The following FBXL4 variants were observed in gnomAD, a reference collection of about 807,000 sequenced individuals.
FBXL4 encodes F-box and leucine rich repeat protein 4.
FBXL4 carries 40 observed loss-of-function variants against 58.9 expected under a neutral mutation model. That is an observed-to-expected ratio of 0.68 (90% CI 0.53 to 0.88). The LOEUF is 0.88. FBXL4 is among the 40% of genes least tolerant of loss of function. The probability of loss-of-function intolerance (pLI) is 0.00; values close to 1 mark genes in which losing one functional copy is unlikely to be tolerated. For missense variants in FBXL4, 676 were observed against 734.4 expected, an observed-to-expected ratio of 0.92 and a Z score of 0.92; for synonymous variants, 263 against 265.5, an observed-to-expected ratio of 0.99 and a Z score of 0.09.
intron 7 of FBXL4, among the ~76,000 whole-genome samples, chr6:98,883,613 C>T (rs151072183): frequency 1.2e-3 from 180 of 151,788 alleles, no homozygotes; most frequent in African/African-American, 4.2e-3. Flanking sequence ...GGTAGGATAT[C>T]AAATTTCATT....
chr6:98,880,487 A>C, intron 8 of FBXL4, 66 bp downstream of exon 8: 2 of 1,327,726 alleles, frequency 1.5e-6, no homozygotes, highest in Non-Finnish European at 2.2e-6. Context: ...GTCAGGATAC[A>C]TTTCACCCAT....
intron 2 of FBXL4, among the ~76,000 whole-genome samples, chr6:98,932,840 C>A (rs180814920): frequency 2.5e-4 from 38 of 149,270 alleles, no homozygotes; most frequent in African/African-American, 8.4e-4. Flanking sequence ...CACAGGCATA[C>A]ATACAAGGCA....
At chr6:98,905,239 G>A (rs997149850) in intron 6 of FBXL4, among the ~76,000 whole-genome samples, 187 bp downstream of exon 6, 3 of 152,184 alleles carry the variant, frequency 2.0e-5, no homozygotes, top group Non-Finnish European at 4.4e-5. Context: ...TTTAGCTGAA[G>A]AGGATAGTAA....
At chr6:98,943,804 C>A (rs1265825704) in intron 1 of FBXL4, among the ~76,000 whole-genome samples, 2 of 152,058 alleles carry the variant, frequency 1.3e-5, no homozygotes, top group Non-Finnish European at 2.9e-5. Context: ...TCATATAAGA[C>A]AATGTAGACT....
intron 5 of FBXL4, among the ~76,000 whole-genome samples, chr6:98,914,496 A>T (rs1028725318): frequency 2.6e-5 from 4 of 152,246 alleles, no homozygotes; most frequent in Non-Finnish European, 5.9e-5. Context: ...CACCTCTGGG[A>T]TGCAAGGCTG....
At chr6:98,938,563 T>A (rs1773309654) in intron 1 of FBXL4, among the ~76,000 whole-genome samples, 1 of 152,192 alleles carries the variant, frequency 6.6e-6, no homozygotes, top group Non-Finnish European at 1.5e-5. Flanking sequence ...TCCTGTTACA[T>A]AACGAAAAGA....
chr6:98,919,815 A>G (rs999350055), intron 4 of FBXL4, among the ~76,000 whole-genome samples: 1 of 152,186 alleles, frequency 6.6e-6, no homozygotes, highest in Non-Finnish European at 1.5e-5. Context: ...AAATTATAGA[A>G]TACATGAAGA....
chr6:98,926,387 A>T, intron 4 of FBXL4, 90 bp downstream of exon 4: 1 of 1,346,826 alleles, frequency 7.4e-7, no homozygotes, highest in Non-Finnish European at 1.0e-6. Context: ...TAAGTTACTT[A>T]AAAGAATGCT....
At chr6:98,894,414 TG>T (rs946255390) in intron 7 of FBXL4, among the ~76,000 whole-genome samples, 6 of 152,260 alleles carry the variant, frequency 3.9e-5, no homozygotes, top group African/African-American at 1.4e-4. Flanking sequence ...TTGCAGAAAG[TG>T]CTGTCTATTC....
intron 7 of FBXL4, among the ~76,000 whole-genome samples, chr6:98,886,285 TGAGA>T (rs141914139): frequency 2.6e-4 from 39 of 149,754 alleles, no homozygotes; most frequent in South Asian, 1.9e-3. Context: ...TAGGAGTAAA[TGAGA>T]GAGAGAGAGA....
chr6:98,876,200 C>CATT (rs1770657118), intron 8 of FBXL4, among the ~76,000 whole-genome samples: 1 of 152,068 alleles, frequency 6.6e-6, no homozygotes, highest in South Asian at 2.1e-4. Flanking sequence ...AATAAGGATA[C>CATT]TAGTTTTGGC....
intron 6 of FBXL4, 39 bp downstream of exon 6, chr6:98,905,387 C>CT: frequency 6.2e-7 from 1 of 1,603,474 alleles, no homozygotes; most frequent in Non-Finnish European, 8.5e-7. Context: ...TAACCTGCTG[C>CT]TGGGGGGGAA....
intron 2 of FBXL4, among the ~76,000 whole-genome samples, chr6:98,934,309 G>GA (rs1260091641): frequency 6.6e-6 from 1 of 151,952 alleles, no homozygotes; most frequent in East Asian, 1.9e-4. Context: ...AAGAGGCGGA[G>GA]AATGGCTTGA....
chr6:98,880,344 C>T (rs1770807391), intron 8 of FBXL4, among the ~76,000 whole-genome samples: 1 of 152,140 alleles, frequency 6.6e-6, no homozygotes, highest in Admixed American at 6.5e-5. Flanking sequence ...ATACTTCTTT[C>T]CTTGCTCTCA....
chr6:98,891,722 C>G (rs1324236342), intron 7 of FBXL4, among the ~76,000 whole-genome samples: 1 of 108,370 alleles, frequency 9.2e-6, no homozygotes, highest in Admixed American at 9.5e-5. Context: ...CTATCTCTAC[C>G]AAAAAAAAAA....
intron 1 of FBXL4, among the ~76,000 whole-genome samples, chr6:98,946,186 A>G (rs367695663): frequency 6.6e-6 from 1 of 152,228 alleles, no homozygotes; most frequent in African/African-American, 2.4e-5. Flanking sequence ...GCCAAAGAAT[A>G]CTAGACCGTT....
chr6:98,922,653 G>A (rs1272551599), intron 4 of FBXL4, among the ~76,000 whole-genome samples: 1 of 152,160 alleles, frequency 6.6e-6, no homozygotes, highest in Non-Finnish European at 1.5e-5. Context: ...AGTTGCTTGA[G>A]TAATCATTTC....
intron 6 of FBXL4, 36 bp downstream of exon 6, chr6:98,905,390 G>C (rs367559138): frequency 4.4e-6 from 7 of 1,604,288 alleles, no homozygotes; most frequent in African/African-American, 1.3e-5. Flanking sequence ...CCTGCTGCTG[G>C]GGGGGAAAAA....
intron 7 of FBXL4, among the ~76,000 whole-genome samples, chr6:98,889,695 A>C (rs1415729557): frequency 2.0e-5 from 3 of 151,248 alleles, no homozygotes; most frequent in South Asian, 2.1e-4. Flanking sequence ...AAAAAAAAAA[A>C]AACAATGGTT....
Sources: gnomAD v4.1 joint callset for allele counts (sites outside exome capture counted in the v4.1 genomes callset) on GRCh38, gnomAD v4.1.1 for gene constraint, MANE v1.5 for transcripts, NCBI Gene and HGNC (gene_info 2026-07-23, HGNC 2026-07-21) for gene names.